MTOR: variants seen among roughly 807,000 people sequenced by gnomAD.
The protein encoded by MTOR is serine/threonine-protein kinase mTOR.
MTOR carries 70 observed loss-of-function variants against 319.8 expected under a neutral mutation model. The ratio of observed to expected loss-of-function variants is 0.22; its 90% CI spans 0.18 to 0.27. The LOEUF is 0.27. Ranked by LOEUF, MTOR falls within the 10% of genes least tolerant of loss-of-function variation. The pLI is 1.00. For missense variants in MTOR, 1,890 were observed against 3,274.4 expected, an observed-to-expected ratio of 0.58 and a Z score of 10.32; for synonymous variants, 1,183 against 1,211.4, an observed-to-expected ratio of 0.98 and a Z score of 0.49.
chr1:11,124,518 T>A lies in MTOR; in HGVS notation c.6642A>T (p.Thr2214=), dbSNP rs1352376231. 6.2e-7 allele frequency: 1 copy of A among 1,608,946 alleles called. No individual in the cohort carries two copies. The highest frequency in any genetic ancestry group is 1.7e-5 in the Admixed American group (1 of 59,936). ...LVNTLLANDP[T]SLRKNLSIQR... is the part of the protein sequence containing the mutation. ...AATACCTGAGGTTTTTCCGAAGAGATGTTGGGTCATTGGCCAGAAGGGTGT... is the reference window on the plus strand; with the variant it reads ...AATACCTGAGGTTTTTCCGAAGAGAAGTTGGGTCATTGGCCAGAAGGGTGT... The change falls in exon 47 of 58, where the codon ACA becomes ACT. Residue 2214 remains threonine, a synonymous_variant. Transcript: ENST00000361445.
chr1:11,226,666 C>T (rs1355141746), intron 19 of MTOR, among the ~76,000 whole-genome samples: 1 of 151,824 alleles, frequency 6.6e-6, no homozygotes, highest in Non-Finnish European at 1.5e-5. Context: ...CCCAGCTACT[C>T]GGGAGGCTGA....
chr1:11,194,546 A>T, intron 28 of MTOR: 1 of 1,614,108 alleles, frequency 6.2e-7, no homozygotes, highest in East Asian at 2.2e-5. Context: ...TTCCTGGGGA[A>T]CTACACTGGC....
chr1:11,119,868 G>A (rs1480905420), intron 49 of MTOR, among the ~76,000 whole-genome samples: 2 of 151,282 alleles, frequency 1.3e-5, no homozygotes, highest in Non-Finnish European at 2.9e-5. Context: ...AAAAATGCCT[G>A]TACAGTCATA....
chr1:11,169,769 T>C lies in MTOR; in HGVS notation c.4254-2252A>G, dbSNP rs894243265. Among the ~76,000 whole-genome samples the C allele has an allele frequency of 3.3e-5, 5 of 152,382 alleles. No homozygotes were observed. The East Asian group carries it at 9.6e-4, about 29-fold the overall frequency. ...TTTTTGAATGTAAATTCCTTATCTA[T>C]ATAACAGGGCTAATATCACCTCCTC... On this transcript the variant is annotated intron_variant, in intron 28 of 57. Coordinates refer to ENST00000361445, the MANE Select transcript of MTOR (RefSeq NM_004958.4).
At chr1:11,122,502 ATTTT>A in intron 47 of MTOR, among the ~76,000 whole-genome samples, 1 of 78,728 alleles carries the variant, frequency 1.3e-5, no homozygotes, top group South Asian at 4.1e-4. Flanking sequence ...ACCCAGCCCT[ATTTT>A]TTTTTTTTTT....
At chr1:11,141,674 T>C (rs1433984304) in intron 34 of MTOR, among the ~76,000 whole-genome samples, 1 of 149,396 alleles carries the variant, frequency 6.7e-6, no homozygotes, top group Non-Finnish European at 1.5e-5. Context: ...TGGCCACAAA[T>C]TCTTTATAAT....
rs749626692 is a variant in MTOR at position 11,212,398 on chromosome 1, T to C, written c.3475A>G (p.Ile1159Val). 1.9e-6 allele frequency: 3 copies of C among 1,613,912 alleles called. No individual in the cohort carries two copies. The highest frequency in any genetic ancestry group is 1.3e-5 in the African/African-American group (1 of 74,888). Residue 1159 changes from isoleucine to valine, a missense_variant, in exon 23 of 58, where the codon ATT (isoleucine) becomes GTT (valine). Ile to Val is a conservative substitution (Grantham distance 29, BLOSUM62 3). Around this residue, in one of 15 missense-constraint regions of MTOR, gnomAD observed 377 missense variants for 653.9 expected, o/e 0.58. Coordinates refer to ENST00000361445, the MANE Select transcript of MTOR (RefSeq NM_004958.4). This position sits in a 1 kb window ranked among gnomAD's most constrained non-coding sequence, Gnocchi z 4.1. ...TDYASRIIHPIVRTLDQSPEL... is the reference protein window; with the variant it reads ...TDYASRIIHPVVRTLDQSPEL... ...GGGCTCTGGTCCAGTGTTCGAACAATAGGGTGAATGATCCGGGAGGCATAG... is the reference window on the plus strand; with the variant it reads ...GGGCTCTGGTCCAGTGTTCGAACAACAGGGTGAATGATCCGGGAGGCATAG...
intron 31 of MTOR, among the ~76,000 whole-genome samples, 187 bp from the exon 32 acceptor site, chr1:11,146,978 A>G (rs1016110816): frequency 2.0e-4 from 31 of 152,326 alleles, no homozygotes; most frequent in Middle Eastern, 3.4e-3. Flanking sequence ...TTGACGTAAC[A>G]AAAAAAGCCA....
chr1:11,120,877 T>C (rs1225343773), intron 49 of MTOR, among the ~76,000 whole-genome samples: 1 of 152,158 alleles, frequency 6.6e-6, no homozygotes, highest in African/African-American at 2.4e-5. Context: ...ATGCAGAAGC[T>C]ACGGATATGG....
chr1:11,248,267 G>A (rs1649110812), intron 6 of MTOR, among the ~76,000 whole-genome samples, 173 bp from the exon 7 acceptor site: 2 of 152,144 alleles, frequency 1.3e-5, no homozygotes, highest in Non-Finnish European at 2.9e-5. Context: ...ACCTTGCAAG[G>A]GACCTGATTT....
intron 26 of MTOR, among the ~76,000 whole-genome samples, chr1:11,203,433 G>C (rs1221313640): frequency 6.6e-6 from 1 of 152,122 alleles, no homozygotes; most frequent in Non-Finnish European, 1.5e-5. Flanking sequence ...CCAGCACTTT[G>C]AAAGGCCAAG....
chr1:11,213,856 C>G (rs1306812229), intron 20 of MTOR, among the ~76,000 whole-genome samples: 5 of 152,240 alleles, frequency 3.3e-5, no homozygotes, highest in African/African-American at 1.2e-4. Flanking sequence ...TAAGCCCTGT[C>G]TGTCTTTCTA....
At chr1:11,218,913 T>C (rs1646567127) in intron 19 of MTOR, among the ~76,000 whole-genome samples, 1 of 152,014 alleles carries the variant, frequency 6.6e-6, no homozygotes, top group Non-Finnish European at 1.5e-5. Flanking sequence ...TATAAGATTA[T>C]TAGAACTGAA....
At chr1:11,238,195 C>G in intron 12 of MTOR, 147 bp from the exon 13 acceptor site, 1 of 950,926 alleles carries the variant, frequency 1.1e-6, no homozygotes, top group Non-Finnish European at 1.6e-6. Context: ...TCTCTACTCA[C>G]AAGAGTAAAA....
chr1:11,228,688 A>C lies in MTOR; in HGVS notation c.3010T>G (p.Cys1004Gly). 1 of 1,614,096 alleles carries C rather than the reference A, an allele frequency of 6.2e-7. No individual in the cohort carries two copies. The highest frequency in any genetic ancestry group is 1.1e-5 in the South Asian group (1 of 91,082). ...MPTFLNVIRV[C>G]DGAIREFLFQ... Reference sequence around the variant, plus strand: ...CTTACTTCCCGGATGGCCCCATCACAGACTCGAATGACGTTAAGGAACGTG... The same window carrying C: ...CTTACTTCCCGGATGGCCCCATCACCGACTCGAATGACGTTAAGGAACGTG... Residue 1004 changes from cysteine to glycine, a missense_variant, in exon 19 of 58, where the codon TGT (cysteine) becomes GGT (glycine). Cys to Gly is a radical substitution (Grantham distance 159, BLOSUM62 -3). This residue lies in a region of MTOR where 377 missense variants were observed against 653.9 expected (regional missense o/e 0.58). Coordinates refer to ENST00000361445, the MANE Select transcript of MTOR (RefSeq NM_004958.4).
In MTOR at chr1:11,106,729, A is replaced by T. The variant is rs1419462588; in HGVS notation, c.*756T>A. 10 of 1,226,160 alleles carry T rather than the reference A, an allele frequency of 8.2e-6. No homozygotes were observed. Among genetic ancestry groups the T allele is most frequent in the Non-Finnish European group, 9.3e-6 (9 of 967,808 alleles). 76.0% of individuals were successfully genotyped at this position (1,226,160 alleles called of 1,614,324 possible). On this transcript the variant is annotated 3_prime_UTR_variant, in exon 58 of 58. Coordinates refer to ENST00000361445, the MANE Select transcript of MTOR (RefSeq NM_004958.4). ...TTTCTGTTTTCTGAGCCCTTGCTCT[A>T]AACAGAGTATTTTGACCACTGAAAA...
intron 57 of MTOR, 25 bp downstream of exon 57, chr1:11,108,154 CAA>C: frequency 6.3e-7 from 1 of 1,591,198 alleles, no homozygotes; most frequent in Non-Finnish European, 8.6e-7. Flanking sequence ...CTTATTTTAA[CAA>C]AGTCACTTTG....
rs1642110635 is a variant in MTOR, at chr1:11,115,358, C to T, written c.7089+38G>A. On this transcript the variant is annotated intron_variant, in intron 51 of 57. Transcript: ENST00000361445. The surrounding 1 kb of genome is among the most constrained non-coding windows in gnomAD (Gnocchi z 4.5). Reference sequence around the variant, plus strand: ...CAGAGGAGGGGGAAAAGTGATCACCCGGGAAGATGAGGTTGGGGTTCTAGA... The same window carrying T: ...CAGAGGAGGGGGAAAAGTGATCACCTGGGAAGATGAGGTTGGGGTTCTAGA... 2.5e-6 allele frequency: 4 copies of T among 1,600,804 alleles called. No homozygotes were observed. The highest frequency in any genetic ancestry group is 1.3e-5 in the African/African-American group (1 of 74,626).
chr1:11,223,714 A>G (rs1646740691), intron 19 of MTOR, among the ~76,000 whole-genome samples: 1 of 152,154 alleles, frequency 6.6e-6, no homozygotes, highest in Non-Finnish European at 1.5e-5. Flanking sequence ...AAAGCAGGAC[A>G]AAAAGAATGC....
Sources: gnomAD v4.1 joint callset for allele counts (sites outside exome capture counted in the v4.1 genomes callset) on GRCh38, gnomAD v4.1.1 for gene constraint, gnomAD v4.1.1 regional missense constraint, Gnocchi (gnomAD v3.1) non-coding constraint, MANE v1.5 for transcripts, NCBI Gene and HGNC (gene_info 2026-07-23, HGNC 2026-07-21) for gene names.